NAPEPLD: variants seen among roughly 807,000 people sequenced by gnomAD.
The protein encoded by NAPEPLD is N-acyl-phosphatidylethanolamine-hydrolyzing phospholipase D.
In NAPEPLD, 23 loss-of-function variants were observed where a neutral mutation model predicts 38.1. The ratio of observed to expected loss-of-function variants is 0.60; its 90% confidence interval spans 0.43 to 0.86. The LOEUF is 0.86. Among genes scored for constraint, NAPEPLD ranks in the 40% least tolerant of loss-of-function variants. The pLI is 0.00. For synonymous variants in NAPEPLD, 147 were observed against 162.0 expected, an observed-to-expected ratio of 0.91 and a Z score of 0.71; for missense variants, 411 against 476.8, an observed-to-expected ratio of 0.86 and a Z score of 1.28.
Position 103,120,701 on chromosome 7 carries a change from C to CTTTTTTTTTTTTTTTTTTT in NAPEPLD, c.295-497_295-479dup, listed in dbSNP as rs869141133. Among the ~76,000 whole-genome samples, 3 of 82,504 alleles carry CTTTTTTTTTTTTTTTTTTT rather than the reference C, an allele frequency of 3.6e-5. 1 individual carries two copies. The highest frequency in any genetic ancestry group is 6.4e-5 in the Non-Finnish European group (3 of 46,744). The allele number at this position is 82,504 out of a possible 152,430, so 54.1% of individuals were successfully genotyped here. On this transcript the variant is annotated intron_variant, in intron 2 of 4. Coordinates refer to ENST00000465647, the MANE Select transcript of NAPEPLD (RefSeq NM_001122838.3). ...CATGAATCATGAATCTGATATTTTT[C>CTTTTTTTTTTTTTTTTTTT]TTTTTTTTTTTTTTTTTTTTTTTTT...
At chr7:103,132,262 G>A (rs1809105323) in intron 1 of NAPEPLD, among the ~76,000 whole-genome samples, 1 of 152,158 alleles carries the variant, frequency 6.6e-6, no homozygotes, top group South Asian at 2.1e-4. Flanking sequence ...AACCCTCAAG[G>A]TAGGTATTAT....
chr7:103,112,986 G>A (rs975341894), intron 4 of NAPEPLD, among the ~76,000 whole-genome samples: 2 of 152,068 alleles, frequency 1.3e-5, no homozygotes, highest in South Asian at 4.1e-4. Context: ...CTCAAAGACA[G>A]GATTTTTTAA....
chr7:103,148,152 A>T, intron 1 of NAPEPLD: 3 of 928,514 alleles, frequency 3.2e-6, no homozygotes, highest in Non-Finnish European at 3.9e-6. Flanking sequence ...TTTAACAAAC[A>T]TGGGAATTAT....
At chr7:103,112,534 A>G (rs113711425) in intron 4 of NAPEPLD, among the ~76,000 whole-genome samples, 8,270 of 152,138 alleles carry the variant, frequency 0.054, 311 homozygotes, top group East Asian at 0.22. Context: ...GTTCTCACTC[A>G]TAAGTGGGAG....
At chr7:103,131,865 C>T (rs1353907052) in intron 1 of NAPEPLD, among the ~76,000 whole-genome samples, 1 of 152,174 alleles carries the variant, frequency 6.6e-6, no homozygotes, top group Non-Finnish European at 1.5e-5. Context: ...CATGTAATCA[C>T]AGCCATTTGG....
In NAPEPLD at chr7:103,140,537, A is replaced by C. The variant is rs371304940; in HGVS notation, c.-17+8274T>G. Among the ~76,000 whole-genome samples, 325 of 151,712 alleles carry C rather than the reference A, an allele frequency of 2.1e-3. 7 individuals are homozygous for C. The South Asian group carries it at 0.024, about 11-fold the overall frequency. On this transcript the variant is annotated intron_variant, in intron 1 of 4. Transcript: ENST00000465647. ...CCTCCCAAGTGGCTGGGACTACAGG[A>C]GCCCGCCACCACGCCCGGCTAATTT...
At chr7:103,129,779 C>T (rs1563363088) in intron 1 of NAPEPLD, among the ~76,000 whole-genome samples, 1 of 152,132 alleles carries the variant, frequency 6.6e-6, no homozygotes, top group South Asian at 2.1e-4. Context: ...GATTTCCTCA[C>T]CTATAAAATG....
chr7:103,128,802 AC>A lies in NAPEPLD; in HGVS notation c.-16-11del. The A allele has an allele frequency of 6.3e-7, 1 of 1,594,142 alleles. No homozygotes were observed. The highest frequency in any genetic ancestry group is 8.5e-7 in the Non-Finnish European group (1 of 1,173,256). ...GTCCTTTGGTGAAGAACTAAAAAAA[AC>A]AAGGGGGAAAAATACTGAGTTGAAC... On this transcript the variant is annotated splice_polypyrimidine_tract_variant and intron_variant, in intron 1 of 4. Transcript: ENST00000465647.
At chr7:103,138,560 C>T (rs1045316321) in intron 1 of NAPEPLD, among the ~76,000 whole-genome samples, 1 of 151,944 alleles carries the variant, frequency 6.6e-6, no homozygotes, top group African/African-American at 2.4e-5. Context: ...CCTCCACCTC[C>T]CAGGTTCAAA....
intron 2 of NAPEPLD, among the ~76,000 whole-genome samples, chr7:103,124,334 T>G (rs896248454): frequency 3.9e-5 from 6 of 151,990 alleles, no homozygotes; most frequent in African/African-American, 1.5e-4. Context: ...AGTGCATGCC[T>G]GTAATCCCAG....
In NAPEPLD at chr7:103,120,004, T is replaced by C. The variant is rs756612515; in HGVS notation, c.514A>G (p.Ile172Val). ...GCATCTATTGGAGGGAGTTCACTTA[T>C]TGTGCACGGGGAACGACGAAATCGC... ...PKRFRRSPCT[I>V]SELPPIDAVL... The change falls in exon 3 of 5, where the codon ATA (isoleucine) becomes GTA (valine). Residue 172 changes from isoleucine (I) to valine (V), a missense_variant. Coordinates refer to ENST00000465647, the MANE Select transcript of NAPEPLD (RefSeq NM_001122838.3). The C allele has an allele frequency of 6.2e-7, 1 of 1,614,216 alleles. No homozygotes were observed. The highest frequency in any genetic ancestry group is 1.1e-5 in the South Asian group (1 of 91,080).
intron 3 of NAPEPLD, among the ~76,000 whole-genome samples, chr7:103,116,025 G>A (rs1412627398): frequency 6.6e-6 from 1 of 151,738 alleles, no homozygotes; most frequent in African/African-American, 2.4e-5. Flanking sequence ...GATCACTTCT[G>A]TCACCATCTG....
rs75198697 is a variant in NAPEPLD at position 103,108,113 on chromosome 7, T to A, written c.1057-4559A>T. Among the ~76,000 whole-genome samples the A allele has an allele frequency of 2.3e-4, 34 of 146,958 alleles. No homozygotes were observed. In the East Asian group the frequency reaches 6.8e-3, roughly 29 times the overall value. On this transcript the variant is annotated intron_variant, in intron 4 of 4. Transcript: ENST00000465647. ...GAAACCCTACAAGCCCAGAAGAGAG[T>A]AGGGGCCAATATTCAACATTCTTTT...
chr7:103,148,810 C>T lies in NAPEPLD; in HGVS notation c.-17+1G>A, dbSNP rs1050013711. ...ATACAACCAAAAGAAGATAAACCCA[C>T]ATGTATTCCTATCAGTGAAGATGCA... On this transcript the variant is annotated splice_donor_variant, in intron 1 of 4. Transcript: ENST00000465647. LOFTEE classifies it low-confidence loss of function (5UTR_SPLICE). The T allele has an allele frequency of 3.0e-6, 3 of 985,352 alleles. No individual in the cohort carries two copies. In the East Asian group the frequency reaches 3.4e-4, roughly 112 times the overall value. The allele number at this position is 985,352 out of a possible 1,614,324, so 61.0% of individuals were successfully genotyped here. A position where few individuals can be genotyped will look rare whatever the true frequency, so the allele number is the denominator to read the frequency against.
chr7:103,108,887 T>C (rs1356147172), intron 4 of NAPEPLD, among the ~76,000 whole-genome samples: 1 of 151,862 alleles, frequency 6.6e-6, no homozygotes, highest in Non-Finnish European at 1.5e-5. Context: ...AATAAAGGGA[T>C]GGAGGAATAC....
intron 2 of NAPEPLD, among the ~76,000 whole-genome samples, chr7:103,124,584 T>G (rs1290840584): frequency 6.6e-6 from 1 of 152,238 alleles, no homozygotes; most frequent in Non-Finnish European, 1.5e-5. Flanking sequence ...CAAGACTTTC[T>G]TGGCTGGTCT....
At chr7:103,119,026 G>A (rs1430876634) in intron 3 of NAPEPLD, among the ~76,000 whole-genome samples, 3 of 152,156 alleles carry the variant, frequency 2.0e-5, no homozygotes, top group Non-Finnish European at 4.4e-5. Flanking sequence ...TAGGACAGGG[G>A]ATTGGGGCAC....
At chr7:103,136,529 T>C (rs1810107278) in intron 1 of NAPEPLD, among the ~76,000 whole-genome samples, 2 of 148,248 alleles carry the variant, frequency 1.3e-5, no homozygotes, top group South Asian at 4.2e-4. Context: ...GAGGTTGCAG[T>C]GAGCCAAGAT....
rs1813146893 is a variant in NAPEPLD, at chr7:103,148,832, T to C, written c.-38A>G. 1 of 985,346 alleles carries C rather than the reference T, an allele frequency of 1.0e-6. No individual in the cohort carries two copies. The highest frequency in any genetic ancestry group is 1.2e-6 in the Non-Finnish European group (1 of 829,912). 61.0% of individuals were successfully genotyped at this position (985,346 alleles called of 1,614,324 possible). A position where few individuals can be genotyped will look rare whatever the true frequency, so the allele number is the denominator to read the frequency against. On this transcript the variant is annotated 5_prime_UTR_variant, in exon 1 of 5. Coordinates refer to ENST00000465647, the MANE Select transcript of NAPEPLD (RefSeq NM_001122838.3). Reference sequence around the variant, plus strand: ...CCACATGTATTCCTATCAGTGAAGATGCAACCTGGTAATTTGCAGGGAAGA... The same window carrying C: ...CCACATGTATTCCTATCAGTGAAGACGCAACCTGGTAATTTGCAGGGAAGA...
Sources: gnomAD v4.1 joint callset for allele counts (sites outside exome capture counted in the v4.1 genomes callset) on GRCh38, gnomAD v4.1.1 for gene constraint, MANE v1.5 for transcripts, NCBI Gene and HGNC (gene_info 2026-07-23, HGNC 2026-07-21) for gene names.